ASCC3: variants seen among roughly 807,000 people sequenced by gnomAD.
ASCC3 encodes activating signal cointegrator 1 complex subunit 3.
In ASCC3, 158 loss-of-function variants were observed where a neutral mutation model predicts 256.3. The observed-to-expected ratio is 0.62, with a 90% confidence interval of 0.54 to 0.70. ASCC3 has a LOEUF of 0.70. Ranked by LOEUF, ASCC3 falls within the 30% of genes least tolerant of loss-of-function variation. The probability of loss-of-function intolerance (pLI) is 0.00; values close to 1 mark genes in which losing one functional copy is unlikely to be tolerated. For missense variants in ASCC3, 2,259 were observed against 2,626.0 expected (o/e 0.86, Z 3.05); for synonymous variants, 948 against 883.4 (o/e 1.07, Z -1.30).
intron 13 of ASCC3, among the ~76,000 whole-genome samples, chr6:100,709,158 G>T (rs933098637): frequency 6.6e-6 from 1 of 152,020 alleles, no homozygotes. Context: ...AATTCATTGG[G>T]TATACATTAT....
At chr6:100,592,733 A>T (rs1210593145) in intron 34 of ASCC3, among the ~76,000 whole-genome samples, 1 of 152,074 alleles carries the variant, frequency 6.6e-6, no homozygotes, top group East Asian at 1.9e-4. Context: ...AAAACATTAC[A>T]TATCATTAAT....
chr6:100,653,086 AT>A (rs1425215384), intron 17 of ASCC3, among the ~76,000 whole-genome samples, 197 bp from the exon 18 acceptor site: 2 of 152,220 alleles, frequency 1.3e-5, no homozygotes, highest in Non-Finnish European at 2.9e-5. Context: ...AAGCTTAAAA[AT>A]TCATTAAAAT....
intron 4 of ASCC3, chr6:100,847,893 C>T (rs1296136908): frequency 3.0e-6 from 1 of 336,378 alleles, no homozygotes; most frequent in Non-Finnish European, 5.4e-6. Flanking sequence ...CCAGCACTGT[C>T]CCAGTAACCA....
chr6:100,682,630 C>T (rs1487312756), intron 13 of ASCC3, among the ~76,000 whole-genome samples: 1 of 152,176 alleles, frequency 6.6e-6, no homozygotes, highest in Non-Finnish European at 1.5e-5. Context: ...AAATACTGTA[C>T]CAAGTGCTTA....
At chr6:100,879,800 A>AT (rs1465194123) in intron 1 of ASCC3, among the ~76,000 whole-genome samples, 1 of 152,230 alleles carries the variant, frequency 6.6e-6, no homozygotes, top group African/African-American at 2.4e-5. Context: ...ATCAAAGGCA[A>AT]TATCAAATCA....
intron 36 of ASCC3, among the ~76,000 whole-genome samples, chr6:100,586,129 T>C (rs576647449): frequency 6.2e-4 from 95 of 152,192 alleles, no homozygotes; most frequent in Non-Finnish European, 1.0e-3. Context: ...GCCAGGGACA[T>C]TTAAGTCTGC....
chr6:100,557,321 A>C (rs915227107), intron 36 of ASCC3, among the ~76,000 whole-genome samples: 2 of 152,132 alleles, frequency 1.3e-5, no homozygotes, highest in Admixed American at 1.3e-4. Context: ...GCTGGATCTC[A>C]TAAGTACTGT....
At position 100,638,832 on chromosome 6, in the gene ASCC3, C is replaced by T; in HGVS notation, c.3902-11G>A. On this transcript the variant is annotated splice_polypyrimidine_tract_variant and intron_variant, in intron 24 of 41. Transcript: ENST00000369162. ...GAAGATCCAGTAATTCTGAAAAGAC[C>T]CAACAGGATGGCTATACGACAATTG... 1 of 1,608,652 alleles carries T rather than the reference C, an allele frequency of 6.2e-7. No homozygotes were observed. The highest frequency in any genetic ancestry group is 1.1e-5 in the South Asian group (1 of 90,964).
At chr6:100,842,138 T>C (rs1197037040) in intron 4 of ASCC3, among the ~76,000 whole-genome samples, 1 of 152,210 alleles carries the variant, frequency 6.6e-6, no homozygotes, top group Non-Finnish European at 1.5e-5. Context: ...TGATATGATA[T>C]CATAGCTCAG....
chr6:100,848,326 C>A lies in ASCC3; in HGVS notation c.623G>T (p.Cys208Phe), dbSNP rs916875111. The A allele has an allele frequency of 1.2e-5, 20 of 1,613,958 alleles. No individual in the cohort carries two copies. The highest frequency in any genetic ancestry group is 1.7e-5 in the Admixed American group (1 of 59,988). ...KFLNEHLQEA[C>F]TPELKPVEKT... ...TTCCACAGGCTTGAGTTCTGGGGTG[C>A]AAGCCTCCTGGAGATGTTCATTCAG... is the stretch of plus-strand genomic sequence containing the variant. The change falls in exon 4 of 42, where the codon TGC becomes TTC. Residue 208 changes from cysteine (C) to phenylalanine (F), a missense_variant. Around this residue, in one of 2 missense-constraint regions of ASCC3, gnomAD observed 420 missense variants for 419.3 expected, o/e 1.00. Coordinates refer to ENST00000369162, the MANE Select transcript of ASCC3 (RefSeq NM_006828.4).
Position 100,589,636 on chromosome 6 carries a change from T to C in ASCC3, c.5548A>G (p.Ser1850Gly), listed in dbSNP as rs199670070. Residue 1850 changes from serine to glycine, a missense_variant and splice_region_variant, in exon 36 of 42, where the codon AGT (serine) becomes GGT (glycine). Physicochemically the swap from Ser to Gly is moderately conservative, Grantham distance 56 (BLOSUM62 0). This residue lies in a region of ASCC3 where 1,839 missense variants were observed against 2,206.7 expected (regional missense o/e 0.83). Transcript: ENST00000369162. Reference sequence around the variant, plus strand: ...TATGAAATATATGAAAAACTCACACTTAGAATTGAAAGCAGTTCTTCAGTA... The same window carrying C: ...TATGAAATATATGAAAAACTCACACCTAGAATTGAAAGCAGTTCTTCAGTA... ...CSTEELLSIL[S>G]DAEEYTDLPV... is the part of the protein sequence containing the mutation. 6.2e-7 allele frequency: 1 copy of C among 1,613,346 alleles called. No individual in the cohort carries two copies. The highest frequency in any genetic ancestry group is 1.3e-5 in the African/African-American group (1 of 75,014).
At chr6:100,783,477 C>T (rs1455547411) in intron 8 of ASCC3, among the ~76,000 whole-genome samples, 3 of 152,196 alleles carry the variant, frequency 2.0e-5, no homozygotes, top group Non-Finnish European at 4.4e-5. Flanking sequence ...ACTCCTCCAT[C>T]ATGTACTAAA....
chr6:100,824,555 C>T (rs1470884010), intron 4 of ASCC3, among the ~76,000 whole-genome samples: 6 of 152,050 alleles, frequency 3.9e-5, no homozygotes, highest in East Asian at 1.9e-4. Flanking sequence ...AATTAGAATA[C>T]GGTCAGGCAG....
At chr6:100,878,895 C>G (rs770995019) in intron 1 of ASCC3, among the ~76,000 whole-genome samples, 2 of 152,190 alleles carry the variant, frequency 1.3e-5, no homozygotes, top group Admixed American at 6.5e-5. Flanking sequence ...CAATTCATTT[C>G]TGACACTATC....
chr6:100,648,914 A>AAT (rs1775520079), intron 20 of ASCC3, among the ~76,000 whole-genome samples: 1 of 151,934 alleles, frequency 6.6e-6, no homozygotes, highest in Non-Finnish European at 1.5e-5. Flanking sequence ...TACAGTCTAG[A>AAT]AAAGTTAAGC....
At chr6:100,639,672 T>TAAAG (rs1775017021) in intron 24 of ASCC3, among the ~76,000 whole-genome samples, 1 of 152,218 alleles carries the variant, frequency 6.6e-6, no homozygotes, top group African/African-American at 2.4e-5. Flanking sequence ...ATGGCAAATT[T>TAAAG]TCTTCTTAAA....
intron 4 of ASCC3, among the ~76,000 whole-genome samples, chr6:100,825,192 C>T (rs531387684): frequency 1.3e-5 from 2 of 152,026 alleles, no homozygotes; most frequent in African/African-American, 2.4e-5. Flanking sequence ...GCCTGTGGGC[C>T]GCATGTGGCC....
chr6:100,642,173 A>C (rs898267238), intron 24 of ASCC3, among the ~76,000 whole-genome samples: 1 of 152,130 alleles, frequency 6.6e-6, no homozygotes, highest in African/African-American at 2.4e-5. Context: ...AAAAAAAAAA[A>C]AACTAATATA....
intron 36 of ASCC3, among the ~76,000 whole-genome samples, chr6:100,568,542 A>C (rs1770392760): frequency 6.6e-6 from 1 of 151,246 alleles, no homozygotes; most frequent in East Asian, 1.9e-4. Flanking sequence ...AAATAGAGTT[A>C]TTTCGTTTTT....
Sources: gnomAD v4.1 joint callset for allele counts (sites outside exome capture counted in the v4.1 genomes callset) on GRCh38, gnomAD v4.1.1 for gene constraint, gnomAD v4.1.1 regional missense constraint, MANE v1.5 for transcripts, NCBI Gene and HGNC (gene_info 2026-07-23, HGNC 2026-07-21) for gene names.